Variants in SEMA6D observed in about 807,000 individuals in gnomAD.
SEMA6D encodes semaphorin 6D.
Under a neutral mutation model 106.6 loss-of-function variants are expected in SEMA6D, and 35 were observed. The ratio of observed to expected loss-of-function variants is 0.33; its 90% CI spans 0.25 to 0.44. SEMA6D has a LOEUF of 0.44. SEMA6D is among the 20% of genes least tolerant of loss of function. SEMA6D has a pLI of 1.00. For synonymous variants in SEMA6D, 499 were observed against 487.7 expected (o/e 1.02, Z -0.31); for missense variants, 1,185 against 1,345.9 (o/e 0.88, Z 1.87).
intron 4 of SEMA6D, among the ~76,000 whole-genome samples, chr15:47,603,036 T>G (rs1171105164): frequency 2.6e-5 from 4 of 152,186 alleles, no homozygotes; most frequent in Non-Finnish European, 5.9e-5. Flanking sequence ...GCACTGTGAC[T>G]AAGATTGATA....
intron 4 of SEMA6D, among the ~76,000 whole-genome samples, chr15:47,689,038 A>G (rs1281333286): frequency 1.3e-5 from 2 of 152,212 alleles, no homozygotes; most frequent in South Asian, 2.1e-4. Context: ...TTCCTCAAAG[A>G]TCCACCCAGG....
At position 47,388,956 on chromosome 15, in the gene SEMA6D, C is replaced by T. The variant is rs572662385; in HGVS notation, c.-238-23437C>T. On this transcript the variant is annotated intron_variant, in intron 1 of 19. Transcript: ENST00000558014. ...AACACAATGATTATCTGGTACAAAA[C>T]TCATCAGATACAAATCTGCCATTTC... is the stretch of plus-strand genomic sequence containing the variant. Among the ~76,000 whole-genome samples, 4 of 152,282 alleles carry T rather than the reference C, an allele frequency of 2.6e-5. No individual in the cohort carries two copies. The South Asian group carries it at 8.3e-4, about 32-fold the overall frequency.
intron 1 of SEMA6D, among the ~76,000 whole-genome samples, chr15:47,407,908 T>C (rs1246301166): frequency 6.6e-6 from 1 of 152,146 alleles, no homozygotes; most frequent in African/African-American, 2.4e-5. Context: ...TTCTCCCTCC[T>C]TTCTGCACCT....
At chr15:47,479,494 C>T (rs1044209859) in intron 3 of SEMA6D, among the ~76,000 whole-genome samples, 1 of 152,064 alleles carries the variant, frequency 6.6e-6, no homozygotes, top group African/African-American at 2.4e-5. Context: ...TGTATAAGCA[C>T]CAATTATCTT....
At chr15:47,699,647 C>T (rs2078769254) in intron 4 of SEMA6D, among the ~76,000 whole-genome samples, 1 of 152,198 alleles carries the variant, frequency 6.6e-6, no homozygotes, top group Admixed American at 6.5e-5. Flanking sequence ...CTGCATTTCA[C>T]ATCAATTCCA....
chr15:47,764,756 A>C lies in SEMA6D; in HGVS notation c.1216A>C (p.Ile406Leu). Residue 406 changes from isoleucine to leucine, a missense_variant, in exon 12 of 19, where the codon ATT becomes CTT. This residue lies in a region of SEMA6D where 291 missense variants were observed against 423.8 expected (regional missense o/e 0.69). Transcript: ENST00000536845. ...HPLMDSAVPP[I>L]ADEPWFTKTR... ...CCTGATGGACTCTGCCGTTCCACCC[A>C]TTGCCGATGAGCCCTGGTTCACAAA... 6.2e-7 allele frequency: 1 copy of C among 1,613,944 alleles called. No individual in the cohort carries two copies. Among genetic ancestry groups the C allele is most frequent in the Non-Finnish European group, 8.5e-7 (1 of 1,179,882 alleles).
At chr15:47,319,215 CT>C (rs1489363048) in intron 1 of SEMA6D, among the ~76,000 whole-genome samples, 1 of 152,160 alleles carries the variant, frequency 6.6e-6, no homozygotes, top group Non-Finnish European at 1.5e-5. Context: ...TGAATGTTGT[CT>C]ACTTTATTCA....
Position 47,773,215 on chromosome 15 carries a change from C to T in SEMA6D, c.*1430C>T, listed in dbSNP as rs2082706845. ...TCTTTTCAAAAAATCACAGAAACAA[C>T]CTAGGACAATTATTTGTTACATAAT... On this transcript the variant is annotated 3_prime_UTR_variant, in exon 19 of 19. Transcript: ENST00000536845. 6.6e-6 allele frequency: 1 copy of T among 152,576 alleles called. No homozygotes were observed. Among genetic ancestry groups the T allele is most frequent in the Non-Finnish European group, 1.5e-5 (1 of 68,016 alleles). 9.5% of individuals were successfully genotyped at this position (152,576 alleles called of 1,614,324 possible). A position where few individuals can be genotyped will look rare whatever the true frequency, so the allele number is the denominator to read the frequency against.
At chr15:47,583,784 C>G (rs2076291602) in intron 3 of SEMA6D, among the ~76,000 whole-genome samples, 1 of 152,172 alleles carries the variant, frequency 6.6e-6, no homozygotes, top group African/African-American at 2.4e-5. Flanking sequence ...AGCGTGACAG[C>G]TGTGACAACA....
chr15:47,527,927 G>A (rs577717232), intron 3 of SEMA6D, among the ~76,000 whole-genome samples: 1 of 152,114 alleles, frequency 6.6e-6, no homozygotes, highest in Non-Finnish European at 1.5e-5. Flanking sequence ...ATTATTTTAA[G>A]GCCAGGTTTC....
intron 3 of SEMA6D, among the ~76,000 whole-genome samples, chr15:47,483,030 A>G (rs2043196394): frequency 6.6e-6 from 1 of 152,168 alleles, no homozygotes; most frequent in South Asian, 2.1e-4. Context: ...CAAACAATGA[A>G]CAAATGATAT....
At chr15:47,536,982 C>T (rs574885986) in intron 3 of SEMA6D, among the ~76,000 whole-genome samples, 3 of 152,258 alleles carry the variant, frequency 2.0e-5, no homozygotes, top group African/African-American at 7.2e-5. Flanking sequence ...AAGAAAACAT[C>T]AGTGTGATGC....
At chr15:47,391,248 C>T (rs1347462209) in intron 1 of SEMA6D, among the ~76,000 whole-genome samples, 1 of 152,194 alleles carries the variant, frequency 6.6e-6, no homozygotes, top group Non-Finnish European at 1.5e-5. Context: ...TCCATACACA[C>T]TGGATACTGG....
At chr15:47,706,696 C>CCT (rs897952553) in intron 4 of SEMA6D, among the ~76,000 whole-genome samples, 8 of 150,794 alleles carry the variant, frequency 5.3e-5, no homozygotes, top group African/African-American at 1.2e-4. Context: ...TGTCTCTGGA[C>CCT]CTCTCTCTCT....
At chr15:47,594,370 T>C (rs1010684811) in intron 3 of SEMA6D, among the ~76,000 whole-genome samples, 3 of 152,194 alleles carry the variant, frequency 2.0e-5, no homozygotes, top group Non-Finnish European at 2.9e-5. Context: ...GATTTCCTAT[T>C]TCTGAAGTTA....
intron 3 of SEMA6D, among the ~76,000 whole-genome samples, chr15:47,503,169 A>G (rs557108727): frequency 6.6e-6 from 1 of 152,300 alleles, no homozygotes; most frequent in Non-Finnish European, 1.5e-5. Flanking sequence ...TTAGTGATAT[A>G]TTGTGATGAA....
At chr15:47,697,989 A>G (rs1489959083) in intron 4 of SEMA6D, among the ~76,000 whole-genome samples, 2 of 152,244 alleles carry the variant, frequency 1.3e-5, no homozygotes, top group Non-Finnish European at 2.9e-5. Context: ...TCCCATTAGT[A>G]AAATAGAAGA....
chr15:47,342,732 A>G (rs959383880), intron 1 of SEMA6D, among the ~76,000 whole-genome samples: 6 of 152,094 alleles, frequency 3.9e-5, no homozygotes, highest in Non-Finnish European at 7.3e-5. Context: ...TTTTTTTAAG[A>G]CAGTGTCTCC....
chr15:47,432,705 A>C (rs563765398), intron 2 of SEMA6D, among the ~76,000 whole-genome samples: 1 of 152,114 alleles, frequency 6.6e-6, no homozygotes, highest in African/African-American at 2.4e-5. Context: ...AACTGAGCTG[A>C]AAAGACCATG....
Sources: allele counts gnomAD v4.1 joint callset (sites outside exome capture counted in the v4.1 genomes callset), GRCh38; gene constraint gnomAD v4.1.1; regional missense constraint gnomAD v4.1.1; transcripts MANE v1.5; gene names NCBI Gene and HGNC (gene_info 2026-07-23, HGNC 2026-07-21).